The following RACK1 variants were observed in gnomAD, a reference collection of about 807,000 sequenced individuals.
RACK1 encodes small ribosomal subunit protein RACK1.
Under a neutral mutation model 42.2 loss-of-function variants are expected in RACK1, and 3 were observed. The observed-to-expected ratio is 0.07, with a 90% CI of 0.03 to 0.18. The LOEUF (loss-of-function observed/expected upper bound fraction) is 0.18, where lower values mean the gene tolerates loss of function less well. RACK1 is among the 10% of genes least tolerant of loss of function. The pLI, the probability that RACK1 is intolerant of heterozygous loss-of-function variation, is 1.00. For missense variants in RACK1, 146 were observed against 403.2 expected (o/e 0.36, Z 5.46); for synonymous variants, 181 against 154.8 (o/e 1.17, Z -1.25).
At position 181,236,912 on chromosome 5, in the gene RACK1, A is replaced by C. The variant is rs1256515890; in HGVS notation, c.*65T>G. ...AGAATGGAGCTTTTTTGCATATAAG[A>C]AAAAAAAACCTAAAAGTCAGAAAAG... On this transcript the variant is annotated 3_prime_UTR_variant, in exon 8 of 8. Coordinates refer to ENST00000512805, the MANE Select transcript of RACK1 (RefSeq NM_006098.5). The C allele has an allele frequency of 3.2e-5, 49 of 1,524,284 alleles. No individual in the cohort carries two copies. The East Asian group carries it at 1.1e-3, about 33-fold the overall frequency. The allele number at this position is 1,524,284 out of a possible 1,614,324, so 94.4% of individuals were successfully genotyped here. A position where few individuals can be genotyped will look rare whatever the true frequency, so the allele number is the denominator to read the frequency against.
chr5:181,240,646 C>T (rs1486985178), intron 3 of RACK1, among the ~76,000 whole-genome samples: 2 of 151,660 alleles, frequency 1.3e-5, no homozygotes, highest in Non-Finnish European at 2.9e-5. Context: ...CCCCAATCTG[C>T]GATCCCAAAT....
Position 181,243,700 on chromosome 5 carries a change from G to C in RACK1, c.101C>G (p.Ala34Gly). The change falls in exon 1 of 8, where the codon GCC (alanine) becomes GGC (glycine). Residue 34 changes from alanine (A) to glycine (G), a missense_variant. Physicochemically the swap from Ala to Gly is moderately conservative, Grantham distance 60. Transcript: ENST00000512805. ...TCTACCTTAGTCCGTACCTCGAGAG[G>C]CGGAGAGGATCATGTCCGGGAACTG... ...TPQFPDMILSASRDKTIIMWK... is the reference protein window; with the variant it reads ...TPQFPDMILSGSRDKTIIMWK... 6.2e-7 allele frequency: 1 copy of C among 1,604,078 alleles called. No homozygotes were observed. The highest frequency in any genetic ancestry group is 8.5e-7 in the Non-Finnish European group (1 of 1,175,430).
At chr5:181,243,649 C>T (rs1759443271) in intron 1 of RACK1, 43 bp downstream of exon 1, 2 of 1,553,766 alleles carry the variant, frequency 1.3e-6, no homozygotes, top group East Asian at 4.8e-5. Flanking sequence ...CGGAATCCCC[C>T]AGCCCTGCAA....
chr5:181,238,344 C>G, intron 5 of RACK1, 105 bp from the exon 6 acceptor site: 1 of 1,192,658 alleles, frequency 8.4e-7, no homozygotes, highest in Non-Finnish European at 1.2e-6. Flanking sequence ...CCTCCATTAC[C>G]CCAGGCTTCT....
At chr5:181,239,365 C>T (rs778541368) in intron 4 of RACK1, 122 bp downstream of exon 4, 1 of 802,698 alleles carries the variant, frequency 1.2e-6, no homozygotes, top group African/African-American at 1.7e-5. Context: ...GGACATCAGA[C>T]CATGTGACAA....
chr5:181,241,426 C>CAAAAAAAAAAAAAAAAAAAAA (rs57063983), intron 3 of RACK1, 66 bp downstream of exon 3: 88 of 1,074,500 alleles, frequency 8.2e-5, no homozygotes, highest in Admixed American at 3.2e-4. Context: ...AGACTGTCGC[C>CAAAAAAAAAAAAAAAAAAAAA]AAAAAAAAAA....
At chr5:181,242,572 T>C (rs1759385529) in intron 1 of RACK1, 2 of 609,156 alleles carry the variant, frequency 3.3e-6, no homozygotes, top group African/African-American at 1.8e-5. Context: ...CTTTTTTTTT[T>C]CTTGAGATGG....
intron 3 of RACK1, among the ~76,000 whole-genome samples, chr5:181,240,639 C>T (rs969809008): frequency 6.6e-6 from 1 of 152,008 alleles, no homozygotes; most frequent in Non-Finnish European, 1.5e-5. Context: ...ATCCAGCCCC[C>T]AATCTGCGAT....
Position 181,238,244 on chromosome 5 carries a change from A to T in RACK1, c.637-5T>A. On this transcript the variant is annotated splice_region_variant and splice_polypyrimidine_tract_variant and intron_variant, in intron 5 of 7. Transcript: ENST00000512805. ...CCATAACATGGCCTGGCCATCCTGG[A>T]CACAGGTAAGGTAAATCAGGACACT... 1 of 1,614,000 alleles carries T rather than the reference A, an allele frequency of 6.2e-7. No homozygotes were observed. Among genetic ancestry groups the T allele is most frequent in the Non-Finnish European group, 8.5e-7 (1 of 1,179,914 alleles).
At chr5:181,240,035 G>A (rs1033762637) in intron 3 of RACK1, among the ~76,000 whole-genome samples, 5 of 150,584 alleles carry the variant, frequency 3.3e-5, no homozygotes, top group Non-Finnish European at 7.4e-5. Flanking sequence ...ACGAACAAGT[G>A]AAACTTCATC....
chr5:181,242,658 A>G (rs1759394577), intron 1 of RACK1: 1 of 406,508 alleles, frequency 2.5e-6, no homozygotes, highest in African/African-American at 2.1e-5. Flanking sequence ...CCCGTGTTCA[A>G]GCAATTCTCC....
At chr5:181,240,247 CG>C in intron 3 of RACK1, 1 of 167,314 alleles carries the variant, frequency 6.0e-6, no homozygotes. Context: ...CCCAGCGACT[CG>C]GGAGGCTGAG....
At chr5:181,241,442 AAG>A in intron 3 of RACK1, 48 bp downstream of exon 3, 5 of 1,513,414 alleles carry the variant, frequency 3.3e-6, no homozygotes, top group Middle Eastern at 1.8e-4. Context: ...AAAAAAAAAA[AAG>A]CAAAGTTTAA....
chr5:181,242,388 AG>A (rs754630422), intron 1 of RACK1, 43 bp from the exon 2 acceptor site: 1 of 1,388,792 alleles, frequency 7.2e-7, no homozygotes, highest in South Asian at 1.2e-5. Context: ...AGGAACCCGC[AG>A]CCCGTTTAAC....
rs764929010 is a variant in RACK1 at position 181,237,368 on chromosome 5, G to C, written c.888+241C>G. 5.7e-6 allele frequency: 4 copies of C among 704,860 alleles called. No homozygotes were observed. The South Asian group carries it at 6.0e-5, about 11-fold the overall frequency. The allele number at this position is 704,860 out of a possible 1,614,324, so 43.7% of individuals were successfully genotyped here. ...TAAGGCTCCAGACATTTGAAAACTGGTCAGATTAATTAAGGTATTAATTGA... is the reference window on the plus strand; with the variant it reads ...TAAGGCTCCAGACATTTGAAAACTGCTCAGATTAATTAAGGTATTAATTGA... On this transcript the variant is annotated intron_variant, in intron 7 of 7. Transcript: ENST00000512805.
In RACK1 at chr5:181,236,937, G is replaced by A. The variant is rs1331558282; in HGVS notation, c.*40C>T. ...AAAAAAAAACCTAAAAGTCAGAAAA[G>A]CCAGTTTTTTTTTTATTTGTAAAGC... is the stretch of plus-strand genomic sequence containing the variant. On this transcript the variant is annotated 3_prime_UTR_variant, in exon 8 of 8. Coordinates refer to ENST00000512805, the MANE Select transcript of RACK1 (RefSeq NM_006098.5). 1.3e-6 allele frequency: 2 copies of A among 1,554,614 alleles called. No individual in the cohort carries two copies. Among genetic ancestry groups the A allele is most frequent in the Non-Finnish European group, 1.7e-6 (2 of 1,160,884 alleles).
chr5:181,242,650 C>T lies in RACK1; in HGVS notation c.110-305G>A, dbSNP rs1186546662. The T allele has an allele frequency of 7.2e-6, 3 of 416,578 alleles. No homozygotes were observed. In the Admixed American group the frequency reaches 8.8e-5, roughly 12 times the overall value. The allele number at this position is 416,578 out of a possible 1,614,324, so 25.8% of individuals were successfully genotyped here. Reference sequence around the variant, plus strand: ...TCGGCTCACTCCAAACTCCACCTCCCGTGTTCAAGCAATTCTCCCGCCTCA... The same window carrying T: ...TCGGCTCACTCCAAACTCCACCTCCTGTGTTCAAGCAATTCTCCCGCCTCA... On this transcript the variant is annotated intron_variant, in intron 1 of 7. Transcript: ENST00000512805.
intron 7 of RACK1, 123 bp from the exon 8 acceptor site, chr5:181,237,165 A>AG (rs767705589): frequency 5.2e-6 from 8 of 1,535,630 alleles, no homozygotes; most frequent in Non-Finnish European, 7.1e-6. Flanking sequence ...GCTGGAGTGC[A>AG]GGGGTGCGAT....
In RACK1 at chr5:181,239,600, G is replaced by A. The variant is rs749836654; in HGVS notation, c.430-18C>T. The A allele has an allele frequency of 2.6e-6, 4 of 1,550,150 alleles. No individual in the cohort carries two copies. Among genetic ancestry groups the A allele is most frequent in the Middle Eastern group, 3.5e-4 (2 of 5,760 alleles). On this transcript the variant is annotated intron_variant, in intron 3 of 7. Transcript: ENST00000512805. ...CTCTCATCCTACAGAAGATGGAAAG[G>A]AAATTAGGGCAAACAGTCCTATCCC...
Sources: gnomAD v4.1 joint callset for allele counts (sites outside exome capture counted in the v4.1 genomes callset) on GRCh38, gnomAD v4.1.1 for gene constraint, MANE v1.5 for transcripts, NCBI Gene and HGNC (gene_info 2026-07-23, HGNC 2026-07-21) for gene names.